CLPB: variants seen among roughly 807,000 people sequenced by gnomAD.
CLPB encodes the protein ClpB family mitochondrial disaggregase, also known as mitochondrial disaggregase.
Under a neutral mutation model 78.4 loss-of-function variants are expected in CLPB, and 40 were observed. The ratio of observed to expected loss-of-function variants is 0.51; its 90% CI spans 0.40 to 0.66. CLPB has a LOEUF of 0.66. Ranked by LOEUF, CLPB falls within the 30% of genes least tolerant of loss-of-function variation. CLPB has a pLI of 0.00. For missense variants in CLPB, 780 were observed against 886.9 expected (o/e 0.88, Z 1.53); for synonymous variants, 333 against 348.0 (o/e 0.96, Z 0.48).
chr11:72,434,275 C>A lies in CLPB; in HGVS notation c.200G>T (p.Gly67Val). 1 of 1,613,052 alleles carries A rather than the reference C, an allele frequency of 6.2e-7. No homozygotes were observed. Among genetic ancestry groups the A allele is most frequent in the Admixed American group, 1.7e-5 (1 of 59,998 alleles). Residue 67 changes from glycine (G) to valine (V), a missense_variant, in exon 1 of 16, where the codon GGG becomes GTG. Physicochemically the swap from Gly to Val is moderately radical, Grantham distance 109 (BLOSUM62 -3). This residue lies in a region of CLPB where 417 missense variants were observed against 414.7 expected (regional missense o/e 1.01). Transcript: ENST00000538039. ...GTSPALFSGRGAATGGRQGGR... is the reference protein window; with the variant it reads ...GTSPALFSGRVAATGGRQGGR... ...TCCCTGGCGCCCCCCGGTGGCTGCC[C>A]CACGTCCGGAGAACAAGGCCGGCGA... is the stretch of plus-strand genomic sequence containing the variant.
At chr11:72,329,653 G>A (rs1565441477) in intron 6 of CLPB, 54 bp downstream of exon 6, 2 of 1,158,378 alleles carry the variant, frequency 1.7e-6, no homozygotes, top group East Asian at 4.7e-5. Context: ...AATGAGTGAA[G>A]GATTAAATGA....
In CLPB at chr11:72,286,725, G is replaced by A. The variant is rs372477898; in HGVS notation, c.*6642C>T. ...CAGACCTAGGTGATCCACCTGCCTG[G>A]GCCTCCCAAAGTGTTGGAATTACAG... On this transcript the variant is annotated 3_prime_UTR_variant, in exon 16 of 16. Coordinates refer to ENST00000538039, the MANE Select transcript of CLPB (RefSeq NM_001258392.3). 5 of 152,076 alleles carry A rather than the reference G, an allele frequency of 3.3e-5. No individual in the cohort carries two copies. The East Asian group carries it at 9.7e-4, about 29-fold the overall frequency. The allele number at this position is 152,076 out of a possible 1,614,324, so 9.4% of individuals were successfully genotyped here. A position where few individuals can be genotyped will look rare whatever the true frequency, so the allele number is the denominator to read the frequency against.
chr11:72,307,006 G>A (rs1949758242), intron 9 of CLPB, among the ~76,000 whole-genome samples, 193 bp downstream of exon 9: 1 of 152,204 alleles, frequency 6.6e-6, no homozygotes. Flanking sequence ...GAGGCACAAA[G>A]AGGTGGGATA....
At chr11:72,295,777 A>G in intron 11 of CLPB, 129 bp from the exon 12 acceptor site, 2 of 860,156 alleles carry the variant, frequency 2.3e-6, no homozygotes, top group Non-Finnish European at 3.6e-6. Flanking sequence ...CCCAGCAGCC[A>G]GCTGCTTCCT....
chr11:72,366,264 G>A (rs1950940198), intron 4 of CLPB, among the ~76,000 whole-genome samples: 1 of 152,138 alleles, frequency 6.6e-6, no homozygotes, highest in Non-Finnish European at 1.5e-5. Flanking sequence ...ACCCAGGCTG[G>A]AGTACAATGG....
rs978016469 is a variant in CLPB at position 72,287,198 on chromosome 11, T to G, written c.*6169A>C. On this transcript the variant is annotated 3_prime_UTR_variant, in exon 16 of 16. Coordinates refer to ENST00000538039, the MANE Select transcript of CLPB (RefSeq NM_001258392.3). ...AATAATAGTTAAAACTCATCTATTT[T>G]GGGGGTTGAGTGATGGCTATAGGAG... 3 of 152,222 alleles carry G rather than the reference T, an allele frequency of 2.0e-5. No homozygotes were observed. Among genetic ancestry groups the G allele is most frequent in the African/African-American group, 7.2e-5 (3 of 41,460 alleles). 9.4% of individuals were successfully genotyped at this position (152,222 alleles called of 1,614,324 possible). A position where few individuals can be genotyped will look rare whatever the true frequency, so the allele number is the denominator to read the frequency against.
At chr11:72,427,853 T>A (rs962711519) in intron 2 of CLPB, among the ~76,000 whole-genome samples, 1 of 152,198 alleles carries the variant, frequency 6.6e-6, no homozygotes, top group African/African-American at 2.4e-5. Flanking sequence ...AGTATGGGAT[T>A]CTGTCCTGCT....
chr11:72,331,413 A>AG (rs1565442949), intron 5 of CLPB, among the ~76,000 whole-genome samples: 1 of 151,570 alleles, frequency 6.6e-6, no homozygotes, highest in African/African-American at 2.4e-5. Context: ...CAAAAAAAAA[A>AG]AAAAATTTTA....
At chr11:72,293,993 C>T (rs776447997) in intron 15 of CLPB, 29 bp downstream of exon 15, 23 of 1,581,016 alleles carry the variant, frequency 1.5e-5, no homozygotes, top group Middle Eastern at 3.4e-4. Context: ...GGTGTGGAGG[C>T]GCCTCATTTC....
chr11:72,359,743 T>G (rs1266294507), intron 4 of CLPB, among the ~76,000 whole-genome samples: 8 of 152,216 alleles, frequency 5.3e-5, no homozygotes, highest in Non-Finnish European at 1.5e-5. Context: ...AAATTGGAAT[T>G]TACTGTAAAT....
chr11:72,433,653 C>T (rs952966816), intron 1 of CLPB, among the ~76,000 whole-genome samples: 2 of 151,732 alleles, frequency 1.3e-5, no homozygotes, highest in African/African-American at 2.4e-5. Context: ...CCTTTGGTGG[C>T]GGGGGGTAGG....
chr11:72,414,134 C>T (rs1265796803), intron 2 of CLPB, among the ~76,000 whole-genome samples: 1 of 152,124 alleles, frequency 6.6e-6, no homozygotes, highest in East Asian at 1.9e-4. Flanking sequence ...ATCTTTGCTT[C>T]CCCAGGCAGT....
chr11:72,308,756 T>A (rs943484347), intron 7 of CLPB, 152 bp from the exon 8 acceptor site: 1 of 722,892 alleles, frequency 1.4e-6, no homozygotes. Flanking sequence ...CCTAATCTGA[T>A]TAGCTGGCAA....
intron 1 of CLPB, among the ~76,000 whole-genome samples, chr11:72,432,346 G>A (rs1015382600): frequency 1.3e-5 from 2 of 152,172 alleles, no homozygotes; most frequent in African/African-American, 4.8e-5. Flanking sequence ...AAACAAAAGA[G>A]AAGATACATT....
chr11:72,320,246 T>C (rs1950021958), intron 6 of CLPB, among the ~76,000 whole-genome samples: 1 of 152,248 alleles, frequency 6.6e-6, no homozygotes, highest in Admixed American at 6.5e-5. Flanking sequence ...CTTTCCACTT[T>C]GTTGATTTGG....
chr11:72,429,827 C>T (rs983410048), intron 2 of CLPB, among the ~76,000 whole-genome samples: 4 of 152,242 alleles, frequency 2.6e-5, no homozygotes, highest in African/African-American at 9.6e-5. Context: ...TGCAGTCTGT[C>T]CCCGGGCAAA....
chr11:72,368,015 A>G (rs1950976339), intron 4 of CLPB, among the ~76,000 whole-genome samples: 2 of 152,230 alleles, frequency 1.3e-5, no homozygotes, highest in East Asian at 3.8e-4. Flanking sequence ...ATTGCCTGGC[A>G]TGTAGTAAGG....
chr11:72,417,130 A>C (rs1392865537), intron 2 of CLPB, among the ~76,000 whole-genome samples: 1 of 152,266 alleles, frequency 6.6e-6, no homozygotes, highest in Non-Finnish European at 1.5e-5. Context: ...GAATGTTCAC[A>C]GCAGCATTAT....
chr11:72,410,000 G>A lies in CLPB; in HGVS notation c.456-6948C>T, dbSNP rs181670148. On this transcript the variant is annotated intron_variant, in intron 2 of 15. Transcript: ENST00000538039. ...AAAAAAAAAAAATCCAGGCTCTGGC[G>A]GGTGGATCACCTGAGGTCAGGAGTT... 3.4e-3 allele frequency among the ~76,000 whole-genome samples: 514 copies of A among 151,740 alleles called. 16 individuals carry two copies. Among genetic ancestry groups the A allele is most frequent in the Admixed American group, 0.029 (436 of 15,240 alleles).
Sources: gnomAD v4.1 joint callset for allele counts (sites outside exome capture counted in the v4.1 genomes callset) on GRCh38, gnomAD v4.1.1 for gene constraint, gnomAD v4.1.1 regional missense constraint, MANE v1.5 for transcripts, NCBI Gene and HGNC (gene_info 2026-07-23, HGNC 2026-07-21) for gene names.